EP400: variants seen among roughly 807,000 people sequenced by gnomAD.
EP400 encodes the protein E1A binding protein p400.
EP400 carries 105 observed loss-of-function variants against 354.1 expected under a neutral mutation model. That is an observed-to-expected ratio of 0.30 (90% CI 0.25 to 0.35). EP400 has a LOEUF of 0.35. EP400 is among the 10% of genes least tolerant of loss of function. EP400 has a pLI of 1.00. For missense variants in EP400, 3,280 were observed against 4,121.0 expected, an observed-to-expected ratio of 0.80 and a Z score of 5.59; for synonymous variants, 1,646 against 1,716.9, an observed-to-expected ratio of 0.96 and a Z score of 1.02.
chr12:132,022,674 A>T (rs1162606350), intron 23 of EP400, among the ~76,000 whole-genome samples: 1 of 147,100 alleles, frequency 6.8e-6, no homozygotes, highest in African/African-American at 2.6e-5. Context: ...TTTTTTTTTT[A>T]AACAGTAAAT....
chr12:132,025,292 A>G lies in EP400; in HGVS notation c.4856-354A>G, dbSNP rs1197833899. Reference sequence around the variant, plus strand: ...TGGGCTAAAAACAGGGTTTTGTTCTATTTCTTCATTCTCCTTGACTGCTGT... The same window carrying G: ...TGGGCTAAAAACAGGGTTTTGTTCTGTTTCTTCATTCTCCTTGACTGCTGT... On this transcript the variant is annotated intron_variant, in intron 24 of 52. Transcript: ENST00000389561. The surrounding 1 kb of genome is among the most constrained non-coding windows in gnomAD (Gnocchi z 4.1). Among the ~76,000 whole-genome samples the G allele has an allele frequency of 1.3e-5, 2 of 152,082 alleles. No individual in the cohort carries two copies. The highest frequency in any genetic ancestry group is 2.4e-5 in the African/African-American group (1 of 41,418).
intron 3 of EP400, among the ~76,000 whole-genome samples, chr12:131,981,008 G>A (rs1311983196): frequency 2.6e-5 from 4 of 152,202 alleles, no homozygotes; most frequent in African/African-American, 7.2e-5. Flanking sequence ...CATTTTGATC[G>A]TTTTATTAGG....
At chr12:132,021,808 A>G (rs1280748675) in intron 23 of EP400, among the ~76,000 whole-genome samples, 10 of 152,242 alleles carry the variant, frequency 6.6e-5, no homozygotes. Context: ...GGGATTGCTC[A>G]ACCAAGATAA....
intron 29 of EP400, among the ~76,000 whole-genome samples, chr12:132,030,654 G>A (rs1353560424): frequency 6.6e-6 from 1 of 152,214 alleles, no homozygotes; most frequent in African/African-American, 2.4e-5. Flanking sequence ...ATGTATGCTT[G>A]ACCTAGTAAT....
chr12:131,974,138 C>A (rs747715749), intron 2 of EP400, among the ~76,000 whole-genome samples: 9 of 152,000 alleles, frequency 5.9e-5, no homozygotes, highest in Non-Finnish European at 8.8e-5. Flanking sequence ...GCCACCATGC[C>A]CAGCTAATTT....
chr12:131,966,562 C>CAAAAAAAAAAAAAAAAAAAAA (rs534384776), intron 2 of EP400, among the ~76,000 whole-genome samples: 1 of 57,496 alleles, frequency 1.7e-5, no homozygotes, highest in Non-Finnish European at 3.6e-5. Context: ...TACCCTACCT[C>CAAAAAAAAAAAAAAAAAAAAA]AAAAAAAAAA....
intron 4 of EP400, 32 bp downstream of exon 4, chr12:131,981,628 T>C: frequency 6.5e-7 from 1 of 1,548,062 alleles, no homozygotes; most frequent in Non-Finnish European, 8.8e-7. Flanking sequence ...AGCTCCCCGC[T>C]CAGGAGCAGG....
At chr12:131,974,814 C>T (rs993489871) in intron 2 of EP400, among the ~76,000 whole-genome samples, 7 of 151,766 alleles carry the variant, frequency 4.6e-5, no homozygotes, top group Non-Finnish European at 8.8e-5. Flanking sequence ...ATAGTGAAAC[C>T]CCATCTGTAC....
intron 51 of EP400, 21 bp downstream of exon 51, chr12:132,069,662 G>A: frequency 8.7e-6 from 14 of 1,612,418 alleles, no homozygotes; most frequent in Non-Finnish European, 1.2e-5. Context: ...AACAGGGTGA[G>A]GGCCCGAGTG....
intron 3 of EP400, 140 bp from the exon 4 acceptor site, chr12:131,981,349 T>G: frequency 1.6e-6 from 1 of 644,162 alleles, no homozygotes; most frequent in Non-Finnish European, 2.7e-6. Flanking sequence ...ATCAGCCTTA[T>G]GTTTTATGGC....
At chr12:132,055,254 C>A in intron 45 of EP400, 46 bp downstream of exon 45, 2 of 1,399,578 alleles carry the variant, frequency 1.4e-6, no homozygotes, top group East Asian at 2.5e-5. Flanking sequence ...TGCATTCTGC[C>A]GAAATTATTT....
Position 131,990,926 on chromosome 12 carries a change from T to G in EP400, c.2629+212T>G, listed in dbSNP as rs760454540. ...GCTAGTGTGAGTCAGCACCCCCAAG[T>G]TGATAAACTCTGGGACACAGAACTG... On this transcript the variant is annotated intron_variant, in intron 9 of 52. Coordinates refer to ENST00000389561, the MANE Select transcript of EP400 (RefSeq NM_015409.5). This position sits in a 1 kb window ranked among gnomAD's most constrained non-coding sequence, Gnocchi z 4.2. 2.0e-5 allele frequency among the ~76,000 whole-genome samples: 3 copies of G among 152,184 alleles called. No homozygotes were observed. The highest frequency in any genetic ancestry group is 4.8e-5 in the African/African-American group (2 of 41,456).
chr12:131,960,487 T>G, intron 1 of EP400, 98 bp from the exon 2 acceptor site: 2 of 1,154,514 alleles, frequency 1.7e-6, no homozygotes, highest in Non-Finnish European at 2.4e-6. Context: ...TCAGATGCGG[T>G]GGGAATGTAC....
Position 131,990,746 on chromosome 12 carries a change from T to C in EP400, c.2629+32T>C, listed in dbSNP as rs1401831972. 6.7e-7 allele frequency: 1 copy of C among 1,490,724 alleles called. No homozygotes were observed. The highest frequency in any genetic ancestry group is 9.3e-7 in the Non-Finnish European group (1 of 1,080,186). 92.3% of individuals were successfully genotyped at this position (1,490,724 alleles called of 1,614,324 possible). ...CCCTTTAAAAAAAGGCTCACCACGC[T>C]TGGGTGGTATTTTGTTCGGATTCTT... On this transcript the variant is annotated intron_variant, in intron 9 of 52. Transcript: ENST00000389561. This position sits in a 1 kb window ranked among gnomAD's most constrained non-coding sequence, Gnocchi z 4.2.
chr12:132,005,825 G>A (rs1441973781), intron 13 of EP400, among the ~76,000 whole-genome samples: 1 of 152,128 alleles, frequency 6.6e-6, no homozygotes, highest in Non-Finnish European at 1.5e-5. Context: ...TGTGATACCA[G>A]CTCCTAATTG....
rs145286540 is a variant in EP400 at position 131,986,509 on chromosome 12, T to A, written c.1930-5T>A. On this transcript the variant is annotated splice_polypyrimidine_tract_variant and splice_region_variant and intron_variant, in intron 5 of 52. Coordinates refer to ENST00000389561, the MANE Select transcript of EP400 (RefSeq NM_015409.5). Reference sequence around the variant, plus strand: ...CCTTGCTCCACTTGTGCCCTGCCCTTACAGATGGTAGCATCGACAAGGCTC... The same window carrying A: ...CCTTGCTCCACTTGTGCCCTGCCCTAACAGATGGTAGCATCGACAAGGCTC... 6.3e-7 allele frequency: 1 copy of A among 1,592,378 alleles called. No homozygotes were observed. The highest frequency in any genetic ancestry group is 8.6e-7 in the Non-Finnish European group (1 of 1,167,582).
At chr12:132,049,186 G>T (rs763200608) in intron 39 of EP400, among the ~76,000 whole-genome samples, 1 of 152,232 alleles carries the variant, frequency 6.6e-6, no homozygotes, top group African/African-American at 2.4e-5. Flanking sequence ...GCGGGGCGGG[G>T]CATTCATGCC....
intron 12 of EP400, among the ~76,000 whole-genome samples, chr12:131,996,249 G>A (rs1409395456): frequency 2.0e-5 from 3 of 151,170 alleles, no homozygotes; most frequent in South Asian, 4.2e-4. Flanking sequence ...GAGAGTAACT[G>A]TTGTTTAGAG....
chr12:132,031,469 A>G (rs1894491174), intron 29 of EP400: 1 of 479,194 alleles, frequency 2.1e-6, no homozygotes, highest in African/African-American at 2.0e-5. Flanking sequence ...TAGTGGCTGC[A>G]CAGAAGAGCT....
Sources: gnomAD v4.1 joint callset for allele counts (sites outside exome capture counted in the v4.1 genomes callset) on GRCh38, gnomAD v4.1.1 for gene constraint, Gnocchi (gnomAD v3.1) non-coding constraint, MANE v1.5 for transcripts, NCBI Gene and HGNC (gene_info 2026-07-23, HGNC 2026-07-21) for gene names.